Variants in LRRC38 observed in about 807,000 individuals in gnomAD.
LRRC38 encodes the protein leucine rich repeat containing 38.
In LRRC38, 5 loss-of-function variants were observed where a neutral mutation model predicts 16.4. The observed-to-expected ratio is 0.31, with a 90% confidence interval of 0.16 to 0.64. LRRC38 has a LOEUF of 0.64. Among genes scored for constraint, LRRC38 ranks in the 30% least tolerant of loss-of-function variants. The pLI, the probability that LRRC38 is intolerant of heterozygous loss-of-function variation, is 0.80. For missense variants in LRRC38, 341 were observed against 401.8 expected, an observed-to-expected ratio of 0.85 and a Z score of 1.29; for synonymous variants, 191 against 190.2, an observed-to-expected ratio of 1.00 and a Z score of -0.04.
At chr1:13,497,704 G>A (rs887049761) in intron 1 of LRRC38, among the ~76,000 whole-genome samples, 5 of 151,922 alleles carry the variant, frequency 3.3e-5, no homozygotes, top group African/African-American at 4.8e-5. Flanking sequence ...GGCCAAGCAC[G>A]GTGGCTCATG....
At chr1:13,501,757 C>A (rs905708144) in intron 1 of LRRC38, among the ~76,000 whole-genome samples, 8 of 149,578 alleles carry the variant, frequency 5.3e-5, no homozygotes, top group African/African-American at 1.7e-4. Flanking sequence ...CCATGCCCGG[C>A]TCATTTTTGT....
At chr1:13,489,297 A>T (rs950907722) in intron 1 of LRRC38, among the ~76,000 whole-genome samples, 1 of 152,170 alleles carries the variant, frequency 6.6e-6, no homozygotes, top group African/African-American at 2.4e-5. Flanking sequence ...CCTCCTTGCC[A>T]GCCTCCAGGA....
chr1:13,483,922 A>AGAGGAGTGGGGAGGG (rs904607681), intron 1 of LRRC38, among the ~76,000 whole-genome samples: 5 of 110,808 alleles, frequency 4.5e-5, no homozygotes, highest in African/African-American at 1.8e-4. Context: ...AACAGAGAGG[A>AGAGGAGTGGGGAGGG]GAGGAGTGGG....
intron 1 of LRRC38, among the ~76,000 whole-genome samples, chr1:13,484,107 C>T (rs1477015150): frequency 1.3e-5 from 2 of 152,134 alleles, no homozygotes; most frequent in Non-Finnish European, 2.9e-5. Context: ...TAAACCCCTC[C>T]ACTCCGCCTT....
At chr1:13,485,527 C>T (rs188874688) in intron 1 of LRRC38, among the ~76,000 whole-genome samples, 3 of 151,656 alleles carry the variant, frequency 2.0e-5, no homozygotes, top group South Asian at 2.1e-4. Context: ...AAGATTGTGC[C>T]GCTGTACTTC....
chr1:13,478,143 T>C (rs753825855), intron 1 of LRRC38, among the ~76,000 whole-genome samples: 10 of 152,224 alleles, frequency 6.6e-5, no homozygotes, highest in African/African-American at 1.4e-4. Context: ...ACCATGATTT[T>C]ACAAACCTCA....
chr1:13,491,025 T>A (rs1479819251), intron 1 of LRRC38, among the ~76,000 whole-genome samples: 3 of 152,236 alleles, frequency 2.0e-5, no homozygotes, highest in African/African-American at 4.8e-5. Flanking sequence ...GGAACTACGA[T>A]GAGTACTTCC....
At chr1:13,482,396 G>A (rs1356365658) in intron 1 of LRRC38, among the ~76,000 whole-genome samples, 1 of 152,000 alleles carries the variant, frequency 6.6e-6, no homozygotes, top group Non-Finnish European at 1.5e-5. Context: ...AGGCAACATG[G>A]TGAAACCCTG....
intron 1 of LRRC38, among the ~76,000 whole-genome samples, chr1:13,481,537 A>G (rs550651440): frequency 6.9e-4 from 105 of 151,708 alleles, no homozygotes; most frequent in Middle Eastern, 3.4e-3. Flanking sequence ...GACTACAGGC[A>G]CCCACCACCA....
At chr1:13,504,366 T>C (rs1190038438) in intron 1 of LRRC38, among the ~76,000 whole-genome samples, 5 of 152,028 alleles carry the variant, frequency 3.3e-5, no homozygotes, top group African/African-American at 1.2e-4. Context: ...CCACGGTACA[T>C]ATTTTCTGCC....
chr1:13,512,271 T>G (rs1233541677), intron 1 of LRRC38, among the ~76,000 whole-genome samples: 2 of 152,170 alleles, frequency 1.3e-5, no homozygotes, highest in Non-Finnish European at 2.9e-5. Context: ...CCCTCCGCCC[T>G]GGTGTTCCCA....
At chr1:13,477,872 C>G (rs2940309) in intron 1 of LRRC38, among the ~76,000 whole-genome samples, 6,854 of 152,088 alleles carry the variant, frequency 0.045, 248 homozygotes, top group African/African-American at 0.1. Flanking sequence ...CACAATGTAG[C>G]CAGGGGTAGC....
intron 1 of LRRC38, among the ~76,000 whole-genome samples, chr1:13,507,503 A>G (rs545383996): frequency 4.6e-5 from 7 of 152,354 alleles, no homozygotes; most frequent in African/African-American, 1.7e-4. Context: ...TGTCTTGCCC[A>G]TCAAATTGAA....
At chr1:13,490,186 T>TCA (rs1409554893) in intron 1 of LRRC38, among the ~76,000 whole-genome samples, 1 of 152,168 alleles carries the variant, frequency 6.6e-6, no homozygotes, top group East Asian at 1.9e-4. Context: ...AGACAGAGTC[T>TCA]CACTCTGTCG....
chr1:13,492,618 C>T (rs1639027514), intron 1 of LRRC38, among the ~76,000 whole-genome samples: 1 of 152,038 alleles, frequency 6.6e-6, no homozygotes, highest in Admixed American at 6.6e-5. Flanking sequence ...ACAAGAATCA[C>T]TTGAATCTGG....
chr1:13,485,562 T>A (rs1638922012), intron 1 of LRRC38, among the ~76,000 whole-genome samples: 2 of 149,844 alleles, frequency 1.3e-5, no homozygotes, highest in African/African-American at 4.9e-5. Flanking sequence ...CGAGACTCCA[T>A]CTCAAAAAAA....
In LRRC38 at chr1:13,513,677, G is replaced by T; in HGVS notation, c.-84C>A. On this transcript the variant is annotated 5_prime_UTR_variant, in exon 1 of 2. Transcript: ENST00000376085. ...GCGCGGGACGGCGCGGTGAGGCACTGGCTGCCGGGCGCGGGGAGCCAGAGG... is the reference window on the plus strand; with the variant it reads ...GCGCGGGACGGCGCGGTGAGGCACTTGCTGCCGGGCGCGGGGAGCCAGAGG... 1 of 942,666 alleles carries T rather than the reference G, an allele frequency of 1.1e-6. No homozygotes were observed. Among genetic ancestry groups the T allele is most frequent in the Non-Finnish European group, 1.3e-6 (1 of 784,660 alleles). The allele number at this position is 942,666 out of a possible 1,614,324, so 58.4% of individuals were successfully genotyped here.
chr1:13,503,368 A>T (rs1381446822), intron 1 of LRRC38, among the ~76,000 whole-genome samples: 3 of 152,122 alleles, frequency 2.0e-5, no homozygotes, highest in Non-Finnish European at 2.9e-5. Context: ...TCCTGGGTTC[A>T]TGCCATTCTC....
chr1:13,481,763 C>CTT (rs1475112843), intron 1 of LRRC38, among the ~76,000 whole-genome samples: 2 of 40,290 alleles, frequency 5.0e-5, no homozygotes, highest in African/African-American at 8.5e-4. Flanking sequence ...CTTTCTTTCC[C>CTT]TCTCTCTCCC....
Sources: gnomAD v4.1 joint callset for allele counts (sites outside exome capture counted in the v4.1 genomes callset) on GRCh38, gnomAD v4.1.1 for gene constraint, MANE v1.5 for transcripts, NCBI Gene and HGNC (gene_info 2026-07-23, HGNC 2026-07-21) for gene names.